Variants in CLPTM1L observed in about 807,000 individuals in gnomAD.
CLPTM1L encodes the protein lipid scramblase CLPTM1L.
A neutral mutation model predicts 70.9 loss-of-function variants in CLPTM1L; 38 were observed. The ratio of observed to expected loss-of-function variants is 0.54; its 90% CI spans 0.41 to 0.70. The LOEUF (loss-of-function observed/expected upper bound fraction) is 0.70, where lower values mean the gene tolerates loss of function less well. CLPTM1L is among the 30% of genes least tolerant of loss of function. CLPTM1L has a pLI of 0.00. For missense variants in CLPTM1L, 652 were observed against 705.9 expected (o/e 0.92, Z 0.87); for synonymous variants, 339 against 299.9 (o/e 1.13, Z -1.35).
At chr5:1,326,003 CG>C in intron 9 of CLPTM1L, 187 bp from the exon 10 acceptor site, 1 of 582,308 alleles carries the variant, frequency 1.7e-6, no homozygotes, top group East Asian at 2.8e-5. Flanking sequence ...AACCCACACA[CG>C]GCAGGCGTAC....
intron 7 of CLPTM1L, among the ~76,000 whole-genome samples, chr5:1,333,747 G>A (rs947134393): frequency 6.0e-5 from 9 of 150,632 alleles, no homozygotes; most frequent in South Asian, 2.1e-4. Flanking sequence ...GGATAAGGGG[G>A]GACTACTGTA....
chr5:1,321,209 C>T (rs573312929), intron 15 of CLPTM1L, among the ~76,000 whole-genome samples: 1 of 152,260 alleles, frequency 6.6e-6, no homozygotes, highest in Non-Finnish European at 1.5e-5. Flanking sequence ...AATGCCGAGG[C>T]ACTTCTAATC....
At chr5:1,336,370 G>T (rs1047857914) in intron 5 of CLPTM1L, among the ~76,000 whole-genome samples, 4 of 152,216 alleles carry the variant, frequency 2.6e-5, no homozygotes, top group South Asian at 2.1e-4. Context: ...GTCGGCACAC[G>T]TGTCTCCATA....
chr5:1,321,952 A>G, intron 13 of CLPTM1L, 133 bp from the exon 14 acceptor site: 2 of 793,904 alleles, frequency 2.5e-6, no homozygotes, highest in Non-Finnish European at 4.3e-6. Context: ...AAGGTCTGCT[A>G]TCCAGACAAC....
At chr5:1,322,476 G>A (rs1752214233) in intron 13 of CLPTM1L, among the ~76,000 whole-genome samples, 1 of 152,234 alleles carries the variant, frequency 6.6e-6, no homozygotes. Flanking sequence ...ACCAGACGTG[G>A]ATGGTGTTGT....
Position 1,318,426 on chromosome 5 carries a change from C to T in CLPTM1L, c.1560G>A (p.Val520=). The T allele has an allele frequency of 6.2e-7, 1 of 1,613,912 alleles. No homozygotes were observed. ...CCTCGTAGGACTCCCCAAACTCGTT[C>T]ACTCTGCGTTTATCCACAGGATAAA... is the stretch of plus-strand genomic sequence containing the variant. ...RWLYPVDKRR[V]NEFGESYEEK... Residue 520 remains valine (V), a synonymous_variant, in exon 17 of 17, where the codon GTG becomes GTA. Coordinates refer to ENST00000320895, the MANE Select transcript of CLPTM1L (RefSeq NM_030782.5). This position sits in a 1 kb window ranked among gnomAD's most constrained non-coding sequence, Gnocchi z 8.9.
chr5:1,325,599 G>A (rs147452567), intron 10 of CLPTM1L, 152 bp downstream of exon 10: 172 of 683,076 alleles, frequency 2.5e-4, no homozygotes, highest in East Asian at 1.2e-3. Context: ...GAGTGGCTGC[G>A]ATCAGAAACC....
At chr5:1,337,082 G>A (rs1339090955) in intron 5 of CLPTM1L, among the ~76,000 whole-genome samples, 2 of 152,216 alleles carry the variant, frequency 1.3e-5, no homozygotes, top group East Asian at 3.9e-4. Flanking sequence ...GTGATCCGGA[G>A]TGACAGTGAT....
At chr5:1,337,840 CG>C (rs1753674337) in intron 5 of CLPTM1L, 63 bp downstream of exon 5, 2 of 1,312,000 alleles carry the variant, frequency 1.5e-6, no homozygotes. Context: ...GCAGGGGCTG[CG>C]GGGCCAGTCT....
At chr5:1,325,329 A>C in intron 10 of CLPTM1L, 1 of 252,828 alleles carries the variant, frequency 4.0e-6, no homozygotes, top group Non-Finnish European at 7.6e-6. Context: ...TCATCTGCCT[A>C]GGGGCCTTAT....
chr5:1,343,666 AC>A (rs1754090543), intron 2 of CLPTM1L, among the ~76,000 whole-genome samples: 1 of 152,094 alleles, frequency 6.6e-6, no homozygotes, highest in South Asian at 2.1e-4. Context: ...CCAGGCAGAA[AC>A]CGGCTTGCCA....
chr5:1,337,803 G>A, intron 5 of CLPTM1L, 101 bp downstream of exon 5: 4 of 929,694 alleles, frequency 4.3e-6, no homozygotes, highest in Non-Finnish European at 6.8e-6. Context: ...CGTGTCAAAT[G>A]TCAGCAATGG....
intron 9 of CLPTM1L, among the ~76,000 whole-genome samples, chr5:1,328,935 G>GACACATTTCATACA (rs1752868738): frequency 6.6e-6 from 1 of 150,830 alleles, no homozygotes; most frequent in Admixed American, 6.6e-5. Context: ...CTCCTCTACA[G>GACACATTTCATACA]GGACATTCCA....
chr5:1,321,983 G>A lies in CLPTM1L; in HGVS notation c.1316-164C>T, dbSNP rs549598661. 2.6e-5 allele frequency among the ~76,000 whole-genome samples: 4 copies of A among 152,350 alleles called. No homozygotes were observed. The South Asian group carries it at 8.3e-4, about 32-fold the overall frequency. ...ACAACTTCAGAGTCCATCATGGTGTGAAGCAGCTTTCTGGCTGGTAAGTTT... is the reference window on the plus strand; with the variant it reads ...ACAACTTCAGAGTCCATCATGGTGTAAAGCAGCTTTCTGGCTGGTAAGTTT... On this transcript the variant is annotated intron_variant, in intron 13 of 16. Transcript: ENST00000320895.
chr5:1,322,701 T>G, intron 13 of CLPTM1L, 176 bp downstream of exon 13: 1 of 700,866 alleles, frequency 1.4e-6, no homozygotes, highest in Non-Finnish European at 2.6e-6. Flanking sequence ...ACGCAGGGCT[T>G]TATCTGCTCA....
At chr5:1,331,676 G>C in intron 8 of CLPTM1L, 123 bp downstream of exon 8, 1 of 811,348 alleles carries the variant, frequency 1.2e-6, no homozygotes, top group Admixed American at 2.2e-5. Flanking sequence ...GGCTTCTCAA[G>C]AGCCAAGCAC....
chr5:1,330,269 C>T lies in CLPTM1L; in HGVS notation c.1080+11G>A. The T allele has an allele frequency of 1.2e-6, 2 of 1,611,454 alleles. No individual in the cohort carries two copies. Among genetic ancestry groups the T allele is most frequent in the Middle Eastern group, 1.7e-4 (1 of 6,060 alleles). On this transcript the variant is annotated intron_variant, in intron 9 of 16. Coordinates refer to ENST00000320895, the MANE Select transcript of CLPTM1L (RefSeq NM_030782.5). ...GACCTCAGACAGTTCAGGTCACTGC[C>T]CGGAACTCACCTCAATGGCGGCTCC...
In CLPTM1L at chr5:1,338,813, G is replaced by T. The variant is rs1409864182; in HGVS notation, c.599+47C>A. The T allele has an allele frequency of 3.7e-6, 6 of 1,608,752 alleles. No individual in the cohort carries two copies. In the African/African-American group the frequency reaches 8.0e-5, roughly 21 times the overall value. The stretch of plus-strand genomic sequence containing the variant: ...TGCTGGCGAGTTCTGGCCAGCCAGG[G>T]TCCCAGCACCCTCCCCCCGGCGCTC... On this transcript the variant is annotated intron_variant, in intron 4 of 16. Transcript: ENST00000320895.
In CLPTM1L at chr5:1,344,937, A is replaced by C; in HGVS notation, c.-96T>G. On this transcript the variant is annotated 5_prime_UTR_variant, in exon 1 of 17. The change abolishes the stop of an existing upstream ORF in the 5' untranslated region. Coordinates refer to ENST00000320895, the MANE Select transcript of CLPTM1L (RefSeq NM_030782.5). ...CCCGCCGCTCCGGGCTCCGCCGCTC[A>C]CTGGAGAGCCGCCGCGCGCCACCGC... 1 of 713,888 alleles carries C rather than the reference A, an allele frequency of 1.4e-6. No individual in the cohort carries two copies. The highest frequency in any genetic ancestry group is 1.7e-6 in the Non-Finnish European group (1 of 584,320). The allele number at this position is 713,888 out of a possible 1,614,324, so 44.2% of individuals were successfully genotyped here. A position where few individuals can be genotyped will look rare whatever the true frequency, so the allele number is the denominator to read the frequency against.
Sources: gnomAD v4.1 joint callset for allele counts (sites outside exome capture counted in the v4.1 genomes callset) on GRCh38, gnomAD v4.1.1 for gene constraint, Gnocchi (gnomAD v3.1) non-coding constraint, MANE v1.5 for transcripts, NCBI Gene and HGNC (gene_info 2026-07-23, HGNC 2026-07-21) for gene names.